Variants in KMT2C observed in about 807,000 individuals in gnomAD.
KMT2C encodes histone-lysine N-methyltransferase 2C.
KMT2C carries 88 observed loss-of-function variants against 507.9 expected under a neutral mutation model. The ratio of observed to expected loss-of-function variants is 0.17; its 90% CI spans 0.15 to 0.21. The LOEUF is 0.21. Ranked by LOEUF, KMT2C falls within the 10% of genes least tolerant of loss-of-function variation. KMT2C has a pLI of 1.00. For synonymous variants in KMT2C, 2,049 were observed against 2,080.8 expected (o/e 0.98, Z 0.42); for missense variants, 4,954 against 5,957.8 (o/e 0.83, Z 5.55).
At chr7:152,170,966 T>C (rs1044732077) in intron 40 of KMT2C, among the ~76,000 whole-genome samples, 4 of 152,242 alleles carry the variant, frequency 2.6e-5, no homozygotes, top group African/African-American at 9.6e-5. Context: ...CCCGTAAGTA[T>C]ATAAATCCTT....
intron 1 of KMT2C, among the ~76,000 whole-genome samples, chr7:152,378,157 A>C (rs2097343483): frequency 6.6e-6 from 1 of 152,364 alleles, no homozygotes; most frequent in East Asian, 1.9e-4. Flanking sequence ...AATACTATAT[A>C]ACCTTAGTTG....
intron 37 of KMT2C, 93 bp downstream of exon 37, chr7:152,179,741 A>G: frequency 8.8e-7 from 1 of 1,142,238 alleles, no homozygotes; most frequent in South Asian, 1.3e-5. Context: ...TGCCTCAGCT[A>G]GTAGCTAGGA....
intron 38 of KMT2C, 119 bp downstream of exon 38, chr7:152,176,072 G>A: frequency 9.4e-7 from 1 of 1,063,430 alleles, no homozygotes; most frequent in Non-Finnish European, 1.4e-6. Context: ...CCTCAAGGAG[G>A]AATAGAAAAA....
chr7:152,298,858 A>G (rs1188071827), intron 6 of KMT2C, among the ~76,000 whole-genome samples: 1 of 152,270 alleles, frequency 6.6e-6, no homozygotes, highest in Non-Finnish European at 1.5e-5. Context: ...CACAAAGTGC[A>G]CGAGGGAGGA....
At chr7:152,189,295 T>C (rs1263834964) in intron 31 of KMT2C, among the ~76,000 whole-genome samples, 1 of 152,194 alleles carries the variant, frequency 6.6e-6, no homozygotes, top group Non-Finnish European at 1.5e-5. Flanking sequence ...AAACTTTGTT[T>C]ACCTTCAAAA....
intron 23 of KMT2C, among the ~76,000 whole-genome samples, chr7:152,208,636 C>G (rs1469431651): frequency 6.6e-6 from 1 of 152,122 alleles, no homozygotes; most frequent in East Asian, 1.9e-4. Flanking sequence ...GGTAATCAAA[C>G]TTTTCCAAGT....
chr7:152,290,510 A>G (rs2096410070), intron 6 of KMT2C, among the ~76,000 whole-genome samples: 1 of 150,634 alleles, frequency 6.6e-6, no homozygotes, highest in Admixed American at 6.6e-5. Flanking sequence ...GGGTTTCACA[A>G]TCTTGGCCAT....
At position 152,204,636 on chromosome 7, in the gene KMT2C, T is replaced by TAGATAGACAGAC. The variant is rs376481420; in HGVS notation, c.3961+469_3961+470insGTCTGTCTATCT. Among the ~76,000 whole-genome samples the TAGATAGACAGAC allele has an allele frequency of 5.3e-4, 67 of 127,568 alleles. No homozygotes were observed. In the South Asian group the frequency reaches 5.5e-3, roughly 11 times the overall value. 83.7% of individuals were successfully genotyped at this position (127,568 alleles called of 152,430 possible). On this transcript the variant is annotated intron_variant, in intron 25 of 58. Transcript: ENST00000262189. Reference sequence around the variant, plus strand: ...ATAGATAGATAGATAGATAGATAGATAGACAGACAGATACATAAATAGATA... The same window carrying TAGATAGACAGAC: ...ATAGATAGATAGATAGATAGATAGATAGATAGACAGACAGACAGACAGATACATAAATAGATA...
intron 39 of KMT2C, among the ~76,000 whole-genome samples, chr7:152,173,295 A>C (rs190061635): frequency 2.4e-4 from 36 of 152,258 alleles, no homozygotes; most frequent in Admixed American, 1.4e-3. Flanking sequence ...TTTTATATAA[A>C]AGTTTTTCAA....
At chr7:152,251,787 A>G in intron 11 of KMT2C, 152 bp downstream of exon 11, 1 of 475,786 alleles carries the variant, frequency 2.1e-6, no homozygotes. Context: ...GATGACCAAG[A>G]TAACAAATAC....
At chr7:152,364,611 A>AAAAAAAAAAAAG (rs1186170235) in intron 1 of KMT2C, among the ~76,000 whole-genome samples, 4 of 149,280 alleles carry the variant, frequency 2.7e-5, no homozygotes, top group African/African-American at 9.9e-5. Context: ...TCCGTCTCCA[A>AAAAAAAAAAAAG]AAAAAAAAAG....
intron 1 of KMT2C, among the ~76,000 whole-genome samples, chr7:152,384,548 A>AC (rs2097403313): frequency 1.4e-4 from 9 of 62,174 alleles, no homozygotes; most frequent in Non-Finnish European, 2.5e-4. Context: ...CATGTGCATA[A>AC]CACCACCACC....
chr7:152,160,989 C>T (rs991829419), intron 43 of KMT2C, among the ~76,000 whole-genome samples: 3 of 151,918 alleles, frequency 2.0e-5, no homozygotes, highest in African/African-American at 4.8e-5. Context: ...ATTGTCCAGA[C>T]GTATATAAGA....
chr7:152,297,051 AAGACAGAGAGAGAGAG>A (rs1293462333), intron 6 of KMT2C, among the ~76,000 whole-genome samples: 11 of 60,240 alleles, frequency 1.8e-4, no homozygotes, highest in African/African-American at 6.8e-4. Context: ...GAAAGAAAGA[AAGACAGAGAGAGAGAG>A]AGAGAGAGAG....
At chr7:152,409,179 G>A (rs1164243810) in intron 1 of KMT2C, among the ~76,000 whole-genome samples, 1 of 151,742 alleles carries the variant, frequency 6.6e-6, no homozygotes, top group African/African-American at 2.4e-5. Context: ...GCTAATTTTT[G>A]TATTTTTTTT....
At chr7:152,164,184 T>G in intron 42 of KMT2C, among the ~76,000 whole-genome samples, 1 of 152,208 alleles carries the variant, frequency 6.6e-6, no homozygotes, top group East Asian at 1.9e-4. Flanking sequence ...CAGCTAATTT[T>G]GATGTCCTAG....
intron 8 of KMT2C, among the ~76,000 whole-genome samples, 161 bp from the exon 9 acceptor site, chr7:152,263,291 G>A (rs1407318544): frequency 1.3e-5 from 2 of 152,138 alleles, no homozygotes; most frequent in Non-Finnish European, 2.9e-5. Flanking sequence ...CTGCCATAAG[G>A]ATTACCTCCT....
At chr7:152,328,497 A>C (rs1451287573) in intron 3 of KMT2C, among the ~76,000 whole-genome samples, 2 of 152,208 alleles carry the variant, frequency 1.3e-5, no homozygotes, top group Non-Finnish European at 2.9e-5. Flanking sequence ...GTGACAAATG[A>C]CATGAGAGAG....
Position 152,428,470 on chromosome 7 carries a change from A to C in KMT2C, c.161+7156T>G, listed in dbSNP as rs569772287. On this transcript the variant is annotated intron_variant, in intron 1 of 58. Transcript: ENST00000262189. ...TCTACTAAAAATACAAAAAAAAAAA[A>C]AAAAAAAAAAACTAGCCGGGCATGG... Among the ~76,000 whole-genome samples the C allele has an allele frequency of 3.6e-4, 54 of 150,332 alleles. No individual in the cohort carries two copies. In the East Asian group the frequency reaches 8.8e-3, roughly 24 times the overall value.
Sources: gnomAD v4.1 joint callset for allele counts (sites outside exome capture counted in the v4.1 genomes callset) on GRCh38, gnomAD v4.1.1 for gene constraint, MANE v1.5 for transcripts, NCBI Gene and HGNC (gene_info 2026-07-23, HGNC 2026-07-21) for gene names.